Variants in PNPLA7 observed in about 807,000 individuals in gnomAD.
PNPLA7 encodes patatin like domain 7, lysophospholipase.
A neutral mutation model predicts 161.7 loss-of-function variants in PNPLA7; 153 were observed. That is an observed-to-expected ratio of 0.95 (90% confidence interval 0.83 to 1.08). The LOEUF is 1.08. Among genes scored for constraint, PNPLA7 ranks in the 50% least tolerant of loss-of-function variants. The pLI, the probability that PNPLA7 is intolerant of heterozygous loss-of-function variation, is 0.00. For missense variants in PNPLA7, 1,739 were observed against 1,856.6 expected (o/e 0.94, Z 1.16); for synonymous variants, 809 against 782.1 (o/e 1.03, Z -0.57).
At position 137,506,013 on chromosome 9, in the gene PNPLA7, G is replaced by A. The variant is rs754536546; in HGVS notation, c.1296C>T (p.Asp432=). The change falls in exon 13 of 35, where the codon GAC becomes GAT. Residue 432 remains aspartate, a synonymous_variant. Transcript: ENST00000406427. ...TGGCCACGGAGCTCCCGGGGTGCTC[G>A]TCCGAGTGCAGGAAGACCCTGGCAC... The part of the protein sequence containing the change: ...CDRARVFLHS[D]EHPGSSVASK... 9.9e-6 allele frequency: 16 copies of A among 1,612,508 alleles called. No homozygotes were observed. The highest frequency in any genetic ancestry group is 2.2e-5 in the East Asian group (1 of 44,882).
At position 137,523,572 on chromosome 9, in the gene PNPLA7, G is replaced by A. The variant is rs1302757031; in HGVS notation, c.748-715C>T. Among the ~76,000 whole-genome samples, 1 of 152,152 alleles carries A rather than the reference G, an allele frequency of 6.6e-6. No individual in the cohort carries two copies. ...GGCAGATTCTTCTGGAAACTTGTTG[G>A]CTCTAGAGACGAAAGGCTGTTGTTT... On this transcript the variant is annotated intron_variant, in intron 8 of 34. Coordinates refer to ENST00000406427, the MANE Select transcript of PNPLA7 (RefSeq NM_001098537.3). The surrounding 1 kb of genome is among the most constrained non-coding windows in gnomAD (Gnocchi z 4.4).
chr9:137,532,813 A>G (rs1236240632), intron 8 of PNPLA7, among the ~76,000 whole-genome samples: 1 of 152,196 alleles, frequency 6.6e-6, no homozygotes, highest in Non-Finnish European at 1.5e-5. Context: ...GACTACCAGG[A>G]ACTCTCTGGA....
intron 7 of PNPLA7, 103 bp downstream of exon 7, chr9:137,542,539 A>G (rs1160514133): frequency 1.5e-6 from 2 of 1,293,094 alleles, no homozygotes; most frequent in Admixed American, 3.1e-5. Flanking sequence ...TAAAATCAAA[A>G]TTTTGCCTAG....
At chr9:137,515,552 T>C in intron 11 of PNPLA7, 33 bp from the exon 12 acceptor site, 1 of 1,505,180 alleles carries the variant, frequency 6.6e-7, no homozygotes, top group Non-Finnish European at 8.9e-7. Flanking sequence ...CAACCTTGTT[T>C]GCACGCACTC....
chr9:137,464,070 T>TC, intron 28 of PNPLA7, 56 bp downstream of exon 28: 1 of 1,566,978 alleles, frequency 6.4e-7, no homozygotes, highest in Non-Finnish European at 8.7e-7. Context: ...TGCTGAGCTC[T>TC]CCCCCTGCCC....
intron 1 of PNPLA7, 95 bp downstream of exon 1, chr9:137,550,073 A>G (rs774497097): frequency 2.3e-4 from 343 of 1,488,354 alleles, no homozygotes; most frequent in Non-Finnish European, 2.0e-4. Flanking sequence ...GGGGCCAAAG[A>G]GCGCGGCAGA....
intron 22 of PNPLA7, chr9:137,480,743 C>A (rs997873708): frequency 1.4e-6 from 1 of 729,334 alleles, no homozygotes; most frequent in Non-Finnish European, 2.2e-6. Flanking sequence ...AGGCGGGAAG[C>A]GGGGGCTGGG....
In PNPLA7 at chr9:137,524,145, C is replaced by T. The variant is rs1226220935; in HGVS notation, c.748-1288G>A. Among the ~76,000 whole-genome samples the T allele has an allele frequency of 6.6e-6, 1 of 152,240 alleles. No individual in the cohort carries two copies. Among genetic ancestry groups the T allele is most frequent in the Admixed American group, 6.5e-5 (1 of 15,284 alleles). On this transcript the variant is annotated intron_variant, in intron 8 of 34. Transcript: ENST00000406427. This position sits in a 1 kb window ranked among gnomAD's most constrained non-coding sequence, Gnocchi z 4.4. ...CCACTGGGTCTTGGCAATGCTCCCCCGTCTTCTGTCCCAGTGGTTGTGCCT... is the reference window on the plus strand; with the variant it reads ...CCACTGGGTCTTGGCAATGCTCCCCTGTCTTCTGTCCCAGTGGTTGTGCCT...
chr9:137,504,045 AGAAGAAG>A (rs1833758667), intron 14 of PNPLA7, among the ~76,000 whole-genome samples: 2 of 139,032 alleles, frequency 1.4e-5, no homozygotes, highest in South Asian at 5.1e-4. Flanking sequence ...GGAAGAAGAA[AGAAGAAG>A]GAAGAAGAAG....
In PNPLA7 at chr9:137,540,807, G is replaced by T; in HGVS notation, c.667-85C>A. ...CGGAGGCTCAGCCCAGCCCAGGGCA[G>T]TGGGGCCACGGGCCTGCACCTCTGA... On this transcript the variant is annotated intron_variant, in intron 7 of 34. Coordinates refer to ENST00000406427, the MANE Select transcript of PNPLA7 (RefSeq NM_001098537.3). The surrounding 1 kb of genome is among the most constrained non-coding windows in gnomAD (Gnocchi z 5.1). 1 of 1,247,308 alleles carries T rather than the reference G, an allele frequency of 8.0e-7. No individual in the cohort carries two copies. The highest frequency in any genetic ancestry group is 1.1e-6 in the Non-Finnish European group (1 of 880,026). The allele number at this position is 1,247,308 out of a possible 1,614,324, so 77.3% of individuals were successfully genotyped here. A position where few individuals can be genotyped will look rare whatever the true frequency, so the allele number is the denominator to read the frequency against.
chr9:137,500,156 C>T lies in PNPLA7; in HGVS notation c.1757+535G>A, dbSNP rs532344012. On this transcript the variant is annotated intron_variant, in intron 16 of 34. Transcript: ENST00000406427. The surrounding 1 kb of genome is among the most constrained non-coding windows in gnomAD (Gnocchi z 5.5). ...TCAAGTGGACAGATGTCTTCCAGCC[C>T]GGAGCCTGGAAGGCGACACGGGCAC... Among the ~76,000 whole-genome samples, 12 of 152,226 alleles carry T rather than the reference C, an allele frequency of 7.9e-5. No homozygotes were observed. Among genetic ancestry groups the T allele is most frequent in the Admixed American group, 3.3e-4 (5 of 15,284 alleles).
At position 137,479,801 on chromosome 9, in the gene PNPLA7, T is replaced by C. The variant is rs114656774; in HGVS notation, c.2580+511A>G. 825 of 985,448 alleles carry C rather than the reference T, an allele frequency of 8.4e-4. 3 individuals are homozygous for C. The African/African-American group carries it at 0.013, about 15-fold the overall frequency. The allele number at this position is 985,448 out of a possible 1,614,324, so 61.0% of individuals were successfully genotyped here. ...CAATCAGGTCAGTGATCTGCTGCCATCTGGGAACCTGCAGACACAGCCTGG... is the reference window on the plus strand; with the variant it reads ...CAATCAGGTCAGTGATCTGCTGCCACCTGGGAACCTGCAGACACAGCCTGG... On this transcript the variant is annotated intron_variant, in intron 23 of 34. Coordinates refer to ENST00000406427, the MANE Select transcript of PNPLA7 (RefSeq NM_001098537.3).
rs372446707 is a variant in PNPLA7 at position 137,542,634 on chromosome 9, C to T, written c.666+8G>A. 41 of 1,579,646 alleles carry T rather than the reference C, an allele frequency of 2.6e-5. No individual in the cohort carries two copies. The African/African-American group carries it at 3.2e-4, about 13-fold the overall frequency. ...CGCCTGACCCCGCCCCGCCGCCCTG[C>T]GACTCACAGTGTCCTGGATGCAGAC... On this transcript the variant is annotated splice_region_variant and intron_variant, in intron 7 of 34. Transcript: ENST00000406427.
At chr9:137,491,448 A>G in intron 20 of PNPLA7, 1 of 981,614 alleles carries the variant, frequency 1.0e-6, no homozygotes, top group Non-Finnish European at 1.2e-6. Flanking sequence ...GACACCTTCT[A>G]CAAGAAACTC....
intron 8 of PNPLA7, among the ~76,000 whole-genome samples, chr9:137,539,389 T>C (rs944047251): frequency 9.9e-5 from 15 of 152,104 alleles, no homozygotes; most frequent in African/African-American, 3.6e-4. Flanking sequence ...TTCTAGTTAA[T>C]GGCTTGGCAT....
At chr9:137,516,521 CTT>C (rs1326238390) in intron 11 of PNPLA7, 2 of 985,238 alleles carry the variant, frequency 2.0e-6, no homozygotes, top group African/African-American at 1.7e-5. Context: ...CTAAAATACA[CTT>C]TGAGGCCAGG....
At chr9:137,501,298 C>T (rs968487841) in intron 15 of PNPLA7, among the ~76,000 whole-genome samples, 2 of 152,212 alleles carry the variant, frequency 1.3e-5, no homozygotes, top group African/African-American at 4.8e-5. Context: ...CGGCACACGC[C>T]ACGCGTTTTG....
At chr9:137,492,983 G>T in intron 20 of PNPLA7, 30 bp downstream of exon 20, 1 of 1,607,128 alleles carries the variant, frequency 6.2e-7, no homozygotes. Context: ...AGGGCTCCCA[G>T]GAGGCTCTGG....
At chr9:137,463,170 G>A (rs1481451489) in intron 29 of PNPLA7, 6 of 589,316 alleles carry the variant, frequency 1.0e-5, no homozygotes, top group Admixed American at 3.0e-5. Flanking sequence ...TGTTCTGCAT[G>A]CTGCTGAGCT....
Sources: allele counts gnomAD v4.1 joint callset (sites outside exome capture counted in the v4.1 genomes callset), GRCh38; gene constraint gnomAD v4.1.1; non-coding constraint Gnocchi (gnomAD v3.1); transcripts MANE v1.5; gene names NCBI Gene and HGNC (gene_info 2026-07-23, HGNC 2026-07-21).